Variants in PTCD1 observed in about 807,000 individuals in gnomAD.
PTCD1 encodes the protein pentatricopeptide repeat-containing protein 1, mitochondrial.
Under a neutral mutation model 53.4 loss-of-function variants are expected in PTCD1, and 50 were observed. That is an observed-to-expected ratio of 0.94 (90% CI 0.75 to 1.19). The LOEUF is 1.19. Among genes scored for constraint, PTCD1 ranks in the 50% most tolerant of loss-of-function variants. The pLI, the probability that PTCD1 is intolerant of heterozygous loss-of-function variation, is 0.00. For missense variants in PTCD1, 918 were observed against 904.8 expected (o/e 1.01, Z -0.19); for synonymous variants, 413 against 394.8 (o/e 1.05, Z -0.55).
chr7:99,437,565 A>C (rs1476176163), intron 1 of PTCD1, among the ~76,000 whole-genome samples: 3 of 152,196 alleles, frequency 2.0e-5, no homozygotes, highest in Non-Finnish European at 2.9e-5. Context: ...GGCCTCCCGA[A>C]GTGCTGGGAT....
intron 7 of PTCD1, 83 bp from the exon 8 acceptor site, chr7:99,420,232 G>T: frequency 1.3e-6 from 2 of 1,592,138 alleles, no homozygotes; most frequent in Admixed American, 3.4e-5. Context: ...AGGCCTCAGG[G>T]AAGCTGGTGG....
chr7:99,432,010 C>T (rs947868625), intron 3 of PTCD1, among the ~76,000 whole-genome samples: 18 of 152,220 alleles, frequency 1.2e-4, no homozygotes, highest in Non-Finnish European at 2.2e-4. Flanking sequence ...AAGTCATCGC[C>T]ATTCTCCAAT....
At position 99,433,389 on chromosome 7, in the gene PTCD1, C is replaced by T. The variant is rs920017368; in HGVS notation, c.483G>A (p.Arg161=). The part of the protein sequence containing the change: ...KLVEALDLFE[R]QMLKEERLQP... ...GCAATCGCTCCTCCTTCAGCATCTG[C>T]CTCTCAAACAGGTCCAGGGCTTCAA... The change falls in exon 3 of 8, where the codon AGG becomes AGA. Residue 161 remains arginine, a synonymous_variant. Transcript: ENST00000292478. 3 of 1,614,178 alleles carry T rather than the reference C, an allele frequency of 1.9e-6. No individual in the cohort carries two copies. Among genetic ancestry groups the T allele is most frequent in the Non-Finnish European group, 2.5e-6 (3 of 1,180,040 alleles).
At chr7:99,423,529 C>A (rs559410504) in intron 7 of PTCD1, among the ~76,000 whole-genome samples, 1 of 152,120 alleles carries the variant, frequency 6.6e-6, no homozygotes, top group Non-Finnish European at 1.5e-5. Context: ...GTGGCCTCTG[C>A]GAACTGACAG....
intron 2 of PTCD1, 68 bp from the exon 3 acceptor site, chr7:99,433,486 G>T (rs1198767576): frequency 1.9e-6 from 3 of 1,611,562 alleles, no homozygotes; most frequent in Non-Finnish European, 1.7e-6. Context: ...AGAGAGGGAG[G>T]TTGAAGCTGA....
rs546184051 is a variant in PTCD1 at position 99,419,508 on chromosome 7, G to A, written c.*459C>T. 5.0e-6 allele frequency: 8 copies of A among 1,584,924 alleles called. No individual in the cohort carries two copies. In the African/African-American group the frequency reaches 5.4e-5, roughly 11 times the overall value. On this transcript the variant is annotated 3_prime_UTR_variant, in exon 8 of 8. Coordinates refer to ENST00000292478, the MANE Select transcript of PTCD1 (RefSeq NM_015545.4). ...CTGCCTGTCACGCCACCCCCTTCCT[G>A]GGAGCAGCGAGCAGTGCCCCAGGCC...
At chr7:99,432,132 G>A (rs756879202) in intron 3 of PTCD1, among the ~76,000 whole-genome samples, 8 of 152,312 alleles carry the variant, frequency 5.3e-5, no homozygotes, top group Admixed American at 1.3e-4. Flanking sequence ...ATATGGCCTC[G>A]TGGGAAGGGA....
In PTCD1 at chr7:99,435,205, G is replaced by A. The variant is rs1377640145; in HGVS notation, c.38C>T (p.Ala13Val). Reference sequence around the variant, plus strand: ...CAGGATGAACAGTCCCATGGGGCGGGCCCTGGCGAACAGTCGAGCGAGTCT... The same window carrying A: ...CAGGATGAACAGTCCCATGGGGCGGACCCTGGCGAACAGTCGAGCGAGTCT... ...FVRLARLFAR[A>V]RPMGLFILQH... Residue 13 changes from alanine (A) to valine (V), a missense_variant, in exon 2 of 8, where the codon GCC (alanine) becomes GTC (valine). By Grantham distance (64) the Ala-to-Val change is moderately conservative. Transcript: ENST00000292478. The A allele has an allele frequency of 6.2e-6, 10 of 1,604,356 alleles. No homozygotes were observed. Among genetic ancestry groups the A allele is most frequent in the Non-Finnish European group, 8.5e-6 (10 of 1,179,920 alleles).
chr7:99,417,443 T>G lies in PTCD1; in HGVS notation c.*2524A>C. Reference sequence around the variant, plus strand: ...CTTTTTGACAGAACTCTATGAATATTGTATTAAAGAAGGCTATGCAGACAA... The same window carrying G: ...CTTTTTGACAGAACTCTATGAATATGGTATTAAAGAAGGCTATGCAGACAA... On this transcript the variant is annotated 3_prime_UTR_variant, in exon 8 of 8. Transcript: ENST00000292478. 2 of 1,613,934 alleles carry G rather than the reference T, an allele frequency of 1.2e-6. No individual in the cohort carries two copies. The highest frequency in any genetic ancestry group is 1.7e-6 in the Non-Finnish European group (2 of 1,179,932).
rs1040705367 is a variant in PTCD1, at chr7:99,417,884, G to A, written c.*2083C>T. The A allele has an allele frequency of 2.7e-5, 36 of 1,353,900 alleles. 1 individual carries two copies. In the African/African-American group the frequency reaches 4.7e-4, roughly 18 times the overall value. 83.9% of individuals were successfully genotyped at this position (1,353,900 alleles called of 1,614,324 possible). ...GGTGGGGAGCCCTAATCCCAAGGTG[G>A]TGGCAGGGTGACATCAGGGAAGGAC... On this transcript the variant is annotated 3_prime_UTR_variant, in exon 8 of 8. Transcript: ENST00000292478.
rs560415034 is a variant in PTCD1 at position 99,427,014 on chromosome 7, G to T, written c.916-1398C>A. 2.7e-4 allele frequency among the ~76,000 whole-genome samples: 41 copies of T among 151,752 alleles called. No individual in the cohort carries two copies. The South Asian group carries it at 8.5e-3, about 32-fold the overall frequency. ...CGTCTGAGAAGTGAGGAGCCCCTCCGCCCGGGAGTCACCCTGTCTGGGAAG... is the reference window on the plus strand; with the variant it reads ...CGTCTGAGAAGTGAGGAGCCCCTCCTCCCGGGAGTCACCCTGTCTGGGAAG... On this transcript the variant is annotated intron_variant, in intron 5 of 7. Coordinates refer to ENST00000292478, the MANE Select transcript of PTCD1 (RefSeq NM_015545.4).
At chr7:99,433,712 T>C (rs1411550680) in intron 2 of PTCD1, among the ~76,000 whole-genome samples, 2 of 152,188 alleles carry the variant, frequency 1.3e-5, no homozygotes, top group African/African-American at 2.4e-5. Flanking sequence ...CATATACGGC[T>C]GGGAACAAGA....
In PTCD1 at chr7:99,424,800, T is replaced by G; in HGVS notation, c.1732A>C (p.Met578Leu). Residue 578 changes from methionine to leucine, a missense_variant, in exon 6 of 8, where the codon ATG becomes CTG. Transcript: ENST00000292478. Reference sequence around the variant, plus strand: ...CCAGGCCCGAGTCCACTCACCTTCATGTCTGTGAGAAGCTGTAGACCGTCC... The same window carrying G: ...CCAGGCCCGAGTCCACTCACCTTCAGGTCTGTGAGAAGCTGTAGACCGTCC... Reference protein sequence around the residue: ...PKDGLQLLTDMKKSQVTPNTH... With the variant: ...PKDGLQLLTDLKKSQVTPNTH... 2 of 1,614,186 alleles carry G rather than the reference T, an allele frequency of 1.2e-6. No homozygotes were observed. Among genetic ancestry groups the G allele is most frequent in the African/African-American group, 1.3e-5 (1 of 75,048 alleles).
intron 7 of PTCD1, among the ~76,000 whole-genome samples, chr7:99,422,913 C>T (rs972726609): frequency 1.3e-5 from 2 of 152,128 alleles, no homozygotes; most frequent in African/African-American, 4.8e-5. Context: ...CACCACCTCC[C>T]CAAGCTCATC....
At position 99,419,818 on chromosome 7, in the gene PTCD1, A is replaced by G; in HGVS notation, c.*149T>C. The G allele has an allele frequency of 1.5e-6, 2 of 1,357,150 alleles. No homozygotes were observed. The highest frequency in any genetic ancestry group is 2.0e-6 in the Non-Finnish European group (2 of 986,980). The allele number at this position is 1,357,150 out of a possible 1,614,324, so 84.1% of individuals were successfully genotyped here. On this transcript the variant is annotated 3_prime_UTR_variant, in exon 8 of 8. Transcript: ENST00000292478. ...CTGGGAGCACAGGCACCTTGGGCCT[A>G]GTGTGTGTCCTCACCAACACCTGTG... is the stretch of plus-strand genomic sequence containing the variant.
chr7:99,429,470 C>T (rs1420139889), intron 4 of PTCD1, 118 bp downstream of exon 4: 7 of 1,467,232 alleles, frequency 4.8e-6, no homozygotes, highest in Non-Finnish European at 5.6e-6. Context: ...GGGCCCAATA[C>T]CGGCTGTCTC....
intron 3 of PTCD1, 68 bp downstream of exon 3, chr7:99,433,210 G>T: frequency 6.2e-7 from 1 of 1,613,138 alleles, no homozygotes; most frequent in South Asian, 1.1e-5. Flanking sequence ...GCACTAGCAA[G>T]TGGCACACTT....
At chr7:99,423,101 T>C (rs1795890167) in intron 7 of PTCD1, among the ~76,000 whole-genome samples, 1 of 150,658 alleles carries the variant, frequency 6.6e-6, no homozygotes, top group Non-Finnish European at 1.5e-5. Context: ...TGAGACCAAG[T>C]CTCCATCTAT....
chr7:99,425,705 T>C (rs550833747), intron 5 of PTCD1, 89 bp from the exon 6 acceptor site: 2 of 1,481,382 alleles, frequency 1.4e-6, no homozygotes, highest in Admixed American at 3.9e-5. Context: ...ACCTTGGGAG[T>C]TTTAGATGGG....
Sources: allele counts gnomAD v4.1 joint callset (sites outside exome capture counted in the v4.1 genomes callset), GRCh38; gene constraint gnomAD v4.1.1; transcripts MANE v1.5; gene names NCBI Gene and HGNC (gene_info 2026-07-23, HGNC 2026-07-21).